DCDC1: variants seen among roughly 807,000 people sequenced by gnomAD.
The protein encoded by DCDC1 is doublecortin domain containing 1, also known as doublecortin domain-containing protein 1.
Under a neutral mutation model 178.3 loss-of-function variants are expected in DCDC1, and 200 were observed. The observed-to-expected ratio is 1.12, with a 90% CI of 1.00 to 1.26. The LOEUF (loss-of-function observed/expected upper bound fraction) is 1.26, where lower values mean the gene tolerates loss of function less well. DCDC1 is among the 50% of genes most tolerant of loss of function. DCDC1 has a pLI of 0.00. For missense variants in DCDC1, 1,983 were observed against 1,749.2 expected, an observed-to-expected ratio of 1.13 and a Z score of -2.38; for synonymous variants, 690 against 604.8, an observed-to-expected ratio of 1.14 and a Z score of -2.07.
At chr11:30,890,113 C>T (rs1943646922) in intron 36 of DCDC1, among the ~76,000 whole-genome samples, 1 of 152,178 alleles carries the variant, frequency 6.6e-6, no homozygotes, top group Admixed American at 6.5e-5. Flanking sequence ...TCACCAGAAA[C>T]CAACCCAGCT....
intron 3 of DCDC1, among the ~76,000 whole-genome samples, chr11:31,321,817 ATAT>A (rs1267763955): frequency 6.6e-6 from 1 of 152,212 alleles, no homozygotes; most frequent in Non-Finnish European, 1.5e-5. Context: ...TTTCATAATA[ATAT>A]TAATTGTCAG....
intron 1 of DCDC1, among the ~76,000 whole-genome samples, chr11:31,343,029 G>A (rs1950625070): frequency 6.6e-6 from 1 of 152,080 alleles, no homozygotes; most frequent in Admixed American, 6.6e-5. Flanking sequence ...ATTTTCAGAG[G>A]CCAAGGTGGG....
intron 22 of DCDC1, among the ~76,000 whole-genome samples, chr11:30,930,557 A>G (rs990021291): frequency 2.0e-5 from 3 of 152,184 alleles, no homozygotes; most frequent in African/African-American, 7.2e-5. Flanking sequence ...TGAACATAGC[A>G]TATGGGCAGC....
intron 34 of DCDC1, among the ~76,000 whole-genome samples, chr11:30,897,341 C>A (rs1944305893): frequency 6.6e-6 from 1 of 152,038 alleles, no homozygotes; most frequent in African/African-American, 2.4e-5. Flanking sequence ...GTAATCCCAG[C>A]ACTTTGGGAG....
intron 2 of DCDC1, among the ~76,000 whole-genome samples, chr11:31,333,784 C>T (rs143796428): frequency 0.02 from 3,020 of 152,210 alleles, 46 homozygotes; most frequent in South Asian, 0.044. Flanking sequence ...GTGGGTAACC[C>T]GACCTTTCTC....
intron 6 of DCDC1, among the ~76,000 whole-genome samples, chr11:31,305,331 C>T (rs1205495273): frequency 6.6e-6 from 1 of 152,116 alleles, no homozygotes; most frequent in Non-Finnish European, 1.5e-5. Context: ...TCAATAATCT[C>T]TGATTTAATT....
Position 31,181,685 on chromosome 11 carries a change from G to C in DCDC1, c.1222-43901C>G, listed in dbSNP as rs536754909. ...AAATAGTATCAACATCAACAAAAAG[G>C]ATGTCCACACAGAAAGCCCACCCTA... is the stretch of plus-strand genomic sequence containing the variant. On this transcript the variant is annotated intron_variant, in intron 9 of 38. Coordinates refer to ENST00000684477, the MANE Select transcript of DCDC1 (RefSeq NM_001387274.1). Among the ~76,000 whole-genome samples the C allele has an allele frequency of 3.9e-5, 6 of 152,252 alleles. No individual in the cohort carries two copies. The East Asian group carries it at 1.2e-3, about 29-fold the overall frequency.
chr11:31,030,505 T>C (rs1034678520), intron 20 of DCDC1, among the ~76,000 whole-genome samples: 5 of 152,222 alleles, frequency 3.3e-5, no homozygotes, highest in Admixed American at 3.3e-4. Context: ...TTTTGCCTGG[T>C]ATGTGCCATT....
intron 20 of DCDC1, among the ~76,000 whole-genome samples, chr11:31,034,348 A>AT (rs931645165): frequency 3.3e-5 from 5 of 152,070 alleles, no homozygotes; most frequent in African/African-American, 7.2e-5. Flanking sequence ...TAAGAAAAAT[A>AT]TTTTTTATGA....
chr11:31,115,229 A>G (rs208076), intron 11 of DCDC1, among the ~76,000 whole-genome samples: 90,123 of 151,916 alleles, frequency 0.59, 27,169 homozygotes, highest in East Asian at 0.93. Context: ...GAGCCAATGT[A>G]GTTCTTTGAT....
intron 9 of DCDC1, among the ~76,000 whole-genome samples, chr11:31,142,359 T>G (rs1041527094): frequency 6.6e-6 from 1 of 152,136 alleles, no homozygotes; most frequent in African/African-American, 2.4e-5. Flanking sequence ...GTTTGAAAAG[T>G]TTGAATGTAT....
intron 22 of DCDC1, among the ~76,000 whole-genome samples, chr11:30,927,440 T>C (rs898112717): frequency 2.6e-4 from 39 of 151,438 alleles, no homozygotes; most frequent in African/African-American, 9.5e-4. Flanking sequence ...ACCAAAAACC[T>C]CCAGCAGAAC....
At chr11:30,989,943 T>C (rs1950879480) in intron 20 of DCDC1, among the ~76,000 whole-genome samples, 1 of 152,026 alleles carries the variant, frequency 6.6e-6, no homozygotes, top group East Asian at 1.9e-4. Flanking sequence ...AGGTGAGCGG[T>C]GACTGGTCAT....
At chr11:31,118,005 A>G (rs1181242964) in intron 11 of DCDC1, among the ~76,000 whole-genome samples, 1 of 152,168 alleles carries the variant, frequency 6.6e-6, no homozygotes, top group Non-Finnish European at 1.5e-5. Flanking sequence ...AGCTTGGTAA[A>G]TAAAGGTTTT....
chr11:31,201,691 G>A (rs377686300), intron 9 of DCDC1, among the ~76,000 whole-genome samples: 6 of 151,630 alleles, frequency 4.0e-5, no homozygotes, highest in East Asian at 3.9e-4. Flanking sequence ...TGAAATGCAA[G>A]ATGAAGTGTT....
chr11:30,864,881 T>A lies in DCDC1; in HGVS notation c.*492A>T, dbSNP rs1190545244. On this transcript the variant is annotated 3_prime_UTR_variant, in exon 39 of 39. Transcript: ENST00000684477. ...GTATGTCATACTATGAATTTATGGA[T>A]ATATTGTCTCATTTTTCAATGTTCA... 1.3e-5 allele frequency: 2 copies of A among 152,238 alleles called. No individual in the cohort carries two copies. The highest frequency in any genetic ancestry group is 3.8e-4 in the East Asian group (2 of 5,202). The allele number at this position is 152,238 out of a possible 1,614,324, so 9.4% of individuals were successfully genotyped here. A position where few individuals can be genotyped will look rare whatever the true frequency, so the allele number is the denominator to read the frequency against.
At chr11:31,222,176 C>T (rs920601324) in intron 9 of DCDC1, among the ~76,000 whole-genome samples, 1 of 152,130 alleles carries the variant, frequency 6.6e-6, no homozygotes, top group Non-Finnish European at 1.5e-5. Flanking sequence ...GATTCTCCTG[C>T]CTCAGCCTCC....
At chr11:30,925,874 A>G (rs917031743) in intron 22 of DCDC1, among the ~76,000 whole-genome samples, 14 of 152,150 alleles carry the variant, frequency 9.2e-5, no homozygotes, top group Admixed American at 3.3e-4. Flanking sequence ...TTTGTCACCA[A>G]GTTCCTCAGC....
intron 31 of DCDC1, 113 bp downstream of exon 31, chr11:30,904,848 G>A (rs184457582): frequency 9.8e-6 from 12 of 1,223,266 alleles, no homozygotes; most frequent in African/African-American, 1.5e-5. Context: ...GCTTTAACTG[G>A]TGAATCTGGC....
Sources: gnomAD v4.1 joint callset for allele counts (sites outside exome capture counted in the v4.1 genomes callset) on GRCh38, gnomAD v4.1.1 for gene constraint, MANE v1.5 for transcripts, NCBI Gene and HGNC (gene_info 2026-07-23, HGNC 2026-07-21) for gene names.